Variants in FARS2 observed in about 807,000 individuals in gnomAD.
The protein encoded by FARS2 is phenylalanyl-tRNA synthetase 2, mitochondrial, also known as phenylalanine--tRNA ligase, mitochondrial.
A neutral mutation model predicts 46.4 loss-of-function variants in FARS2; 40 were observed. That is an observed-to-expected ratio of 0.86 (90% CI 0.67 to 1.12). The LOEUF (loss-of-function observed/expected upper bound fraction) is 1.12, where lower values mean the gene tolerates loss of function less well. Ranked by LOEUF, FARS2 falls within the 50% of genes most tolerant of loss-of-function variation. The pLI is 0.00. For missense variants in FARS2, 513 were observed against 567.9 expected (o/e 0.90, Z 0.98); for synonymous variants, 234 against 214.9 (o/e 1.09, Z -0.78).
intron 1 of FARS2, among the ~76,000 whole-genome samples, chr6:5,297,496 A>C (rs1016057060): frequency 1.3e-5 from 2 of 152,158 alleles, no homozygotes; most frequent in Admixed American, 6.5e-5. Context: ...AAAAATAAGA[A>C]AATTAGCCGG....
upstream of FARS2, among the ~76,000 whole-genome samples, chr6:5,259,498 T>C (rs1442226489): frequency 2.0e-5 from 3 of 152,210 alleles, no homozygotes; most frequent in Non-Finnish European, 4.4e-5. Flanking sequence ...GCAGCATGAG[T>C]ATATTTTCCA....
At chr6:5,754,767 C>G (rs1762123350) in intron 6 of FARS2, among the ~76,000 whole-genome samples, 1 of 152,164 alleles carries the variant, frequency 6.6e-6, no homozygotes, top group South Asian at 2.1e-4. Context: ...ACTGAGAAAG[C>G]TATTTCTTTG....
intron 4 of FARS2, among the ~76,000 whole-genome samples, chr6:5,539,302 G>A (rs1236292750): frequency 6.7e-6 from 1 of 149,116 alleles, no homozygotes; most frequent in Admixed American, 6.7e-5. Context: ...TGCCTCCCTG[G>A]TTCACGCCAT....
chr6:5,710,704 GC>G, intron 6 of FARS2, among the ~76,000 whole-genome samples: 1 of 152,236 alleles, frequency 6.6e-6, no homozygotes, highest in African/African-American at 2.4e-5. Flanking sequence ...GGCAAGAGCT[GC>G]CCAGAGAGAG....
rs1181071495 is a variant in FARS2 at position 5,692,614 on chromosome 6, A to T, written c.1218-78677A>T. On this transcript the variant is annotated intron_variant, in intron 6 of 6. Coordinates refer to ENST00000274680, the MANE Select transcript of FARS2 (RefSeq NM_006567.5). Reference sequence around the variant, plus strand: ...AAAAGCTAATGGGCTTAAAAAATATACTGCTTAATGGTTAAAAATCTTAAT... The same window carrying T: ...AAAAGCTAATGGGCTTAAAAAATATTCTGCTTAATGGTTAAAAATCTTAAT... Among the ~76,000 whole-genome samples, 3 of 152,338 alleles carry T rather than the reference A, an allele frequency of 2.0e-5. No homozygotes were observed. The East Asian group carries it at 5.8e-4, about 29-fold the overall frequency.
chr6:5,422,728 C>G (rs1762623627), intron 3 of FARS2, among the ~76,000 whole-genome samples: 1 of 152,066 alleles, frequency 6.6e-6, no homozygotes, highest in South Asian at 2.1e-4. Context: ...AGCACAGTGC[C>G]CAGCATATAG....
rs1354105773 is a variant in FARS2 at position 5,609,483 on chromosome 6, C to T, written c.1066-3686C>T. On this transcript the variant is annotated intron_variant, in intron 5 of 6. Transcript: ENST00000274680. ...ATAGCCATCCGCCCTGCCACCATAT[C>T]CACCACCATCATGGCTGCCACCAAA... 4 of 1,219,884 alleles carry T rather than the reference C, an allele frequency of 3.3e-6. No homozygotes were observed. In the African/African-American group the frequency reaches 4.4e-5, roughly 13 times the overall value. 75.6% of individuals were successfully genotyped at this position (1,219,884 alleles called of 1,614,324 possible). A position where few individuals can be genotyped will look rare whatever the true frequency, so the allele number is the denominator to read the frequency against.
At chr6:5,444,839 G>A (rs957344387) in intron 4 of FARS2, among the ~76,000 whole-genome samples, 7 of 152,226 alleles carry the variant, frequency 4.6e-5, no homozygotes, top group Admixed American at 3.3e-4. Flanking sequence ...TCTGCCCTCA[G>A]CTGCTCAGTA....
intron 5 of FARS2, among the ~76,000 whole-genome samples, chr6:5,556,582 G>T (rs143162514): frequency 1.3e-5 from 2 of 151,738 alleles, no homozygotes; most frequent in African/African-American, 4.8e-5. Context: ...AGAGGTCTAT[G>T]GGCTGATTTT....
chr6:5,759,103 G>C (rs1762359673), intron 6 of FARS2, among the ~76,000 whole-genome samples: 1 of 152,150 alleles, frequency 6.6e-6, no homozygotes, highest in Non-Finnish European at 1.5e-5. Flanking sequence ...GAGAAGGTAA[G>C]CGATCTACCT....
At chr6:5,384,491 G>A (rs564544785) in intron 2 of FARS2, among the ~76,000 whole-genome samples, 1 of 152,178 alleles carries the variant, frequency 6.6e-6, no homozygotes, top group Non-Finnish European at 1.5e-5. Context: ...GATGGAATCT[G>A]CTGCCCTTAG....
Position 5,764,169 on chromosome 6 carries a change from C to T in FARS2, c.1218-7122C>T, listed in dbSNP as rs1369289383. On this transcript the variant is annotated intron_variant, in intron 6 of 6. Coordinates refer to ENST00000274680, the MANE Select transcript of FARS2 (RefSeq NM_006567.5). This position sits in a 1 kb window ranked among gnomAD's most constrained non-coding sequence, Gnocchi z 4.1. ...CAAACCCTGGAAAGCAAGTTTTGTT[C>T]GCCTCACTCTGCAGATGGAGTTATT... is the stretch of plus-strand genomic sequence containing the variant. 1.3e-5 allele frequency among the ~76,000 whole-genome samples: 2 copies of T among 152,082 alleles called. No individual in the cohort carries two copies. The highest frequency in any genetic ancestry group is 2.9e-5 in the Non-Finnish European group (2 of 68,024).
intron 5 of FARS2, among the ~76,000 whole-genome samples, chr6:5,606,260 A>T (rs1247571589): frequency 4.6e-5 from 7 of 152,016 alleles, no homozygotes; most frequent in African/African-American, 1.7e-4. Context: ...AGCCTTGGGG[A>T]TAAAGCTACA....
chr6:5,588,772 G>C (rs1261744394), intron 5 of FARS2, among the ~76,000 whole-genome samples: 2 of 152,158 alleles, frequency 1.3e-5, no homozygotes, highest in Non-Finnish European at 2.9e-5. Flanking sequence ...TTCGCGTGCA[G>C]TTCTTTGTGG....
intron 6 of FARS2, among the ~76,000 whole-genome samples, chr6:5,619,976 C>G (rs759123276): frequency 6.6e-5 from 10 of 152,238 alleles, no homozygotes; most frequent in Non-Finnish European, 1.3e-4. Flanking sequence ...TTTTCCCAAT[C>G]ATGACTGTTT....
intron 1 of FARS2, among the ~76,000 whole-genome samples, chr6:5,279,400 G>T (rs575726553): frequency 6.8e-6 from 1 of 146,252 alleles, no homozygotes; most frequent in South Asian, 2.2e-4. Flanking sequence ...AAAAGAAAAA[G>T]AAAAAAAGAA....
intron 6 of FARS2, among the ~76,000 whole-genome samples, chr6:5,697,444 G>A (rs1758173443): frequency 1.3e-5 from 2 of 152,216 alleles, no homozygotes; most frequent in South Asian, 2.1e-4. Flanking sequence ...TAAAACTTTG[G>A]AGATGAAAGA....
At chr6:5,296,606 A>G (rs1424110263) in intron 1 of FARS2, among the ~76,000 whole-genome samples, 1 of 152,200 alleles carries the variant, frequency 6.6e-6, no homozygotes, top group Non-Finnish European at 1.5e-5. Context: ...GCCTCTGGCA[A>G]CCACCATTCT....
chr6:5,743,078 A>G (rs754087520), intron 6 of FARS2, among the ~76,000 whole-genome samples: 5 of 152,076 alleles, frequency 3.3e-5, no homozygotes, highest in Non-Finnish European at 5.9e-5. Flanking sequence ...GGCATTATCA[A>G]TTTTGCCTTG....
Sources: gnomAD v4.1 joint callset for allele counts (sites outside exome capture counted in the v4.1 genomes callset) on GRCh38, gnomAD v4.1.1 for gene constraint, Gnocchi (gnomAD v3.1) non-coding constraint, MANE v1.5 for transcripts, NCBI Gene and HGNC (gene_info 2026-07-23, HGNC 2026-07-21) for gene names.